The following MGAT4C variants were observed in gnomAD, a reference collection of about 807,000 sequenced individuals.
MGAT4C encodes MGAT4 family member C.
Under a neutral mutation model 40.1 loss-of-function variants are expected in MGAT4C, and 19 were observed. The observed-to-expected ratio is 0.47, with a 90% CI of 0.33 to 0.70. The LOEUF is 0.70. MGAT4C is among the 30% of genes least tolerant of loss of function. The pLI, the probability that MGAT4C is intolerant of heterozygous loss-of-function variation, is 0.02. For missense variants in MGAT4C, 491 were observed against 563.2 expected, an observed-to-expected ratio of 0.87 and a Z score of 1.30; for synonymous variants, 181 against 187.1, an observed-to-expected ratio of 0.97 and a Z score of 0.27.
intron 1 of MGAT4C, among the ~76,000 whole-genome samples, chr12:86,165,066 T>C (rs1157623087): frequency 2.6e-5 from 4 of 152,072 alleles, no homozygotes; most frequent in Admixed American, 2.0e-4. Context: ...ATTTGGTAGA[T>C]AGGAACAATG....
chr12:86,604,568 G>A (rs890127618), intron 2 of MGAT4C, among the ~76,000 whole-genome samples: 1 of 151,970 alleles, frequency 6.6e-6, no homozygotes, highest in Admixed American at 6.6e-5. Context: ...CCAAATGTAC[G>A]TATCTAACAT....
chr12:86,604,157 C>A (rs1454756026), intron 2 of MGAT4C, among the ~76,000 whole-genome samples: 1 of 151,990 alleles, frequency 6.6e-6, no homozygotes, highest in Non-Finnish European at 1.5e-5. Context: ...CCAAGAACAG[C>A]TAAGAAAATG....
In MGAT4C at chr12:85,970,748, A is replaced by T. The variant is rs1303203865; in HGVS notation, c.*8541T>A. The T allele has an allele frequency of 6.6e-6, 1 of 151,326 alleles. No individual in the cohort carries two copies. The highest frequency in any genetic ancestry group is 1.5e-5 in the Non-Finnish European group (1 of 67,376). The allele number at this position is 151,326 out of a possible 1,614,324, so 9.4% of individuals were successfully genotyped here. A position where few individuals can be genotyped will look rare whatever the true frequency, so the allele number is the denominator to read the frequency against. On this transcript the variant is annotated 3_prime_UTR_variant, in exon 5 of 5. Coordinates refer to ENST00000611864, the MANE Select transcript of MGAT4C (RefSeq NM_001351288.2). ...AATAGAGGAACCTTAAATAATTTAA[A>T]TAAAAATAATTGTTTTTATTAAAGT...
intron 1 of MGAT4C, among the ~76,000 whole-genome samples, chr12:86,092,863 TTTA>T (rs1873129897): frequency 6.6e-6 from 1 of 152,130 alleles, no homozygotes; most frequent in Middle Eastern, 3.4e-3. Context: ...CCCTCTTTTT[TTTA>T]TTATTATACT....
At chr12:86,589,274 C>A (rs1366102281) in intron 2 of MGAT4C, among the ~76,000 whole-genome samples, 1 of 151,534 alleles carries the variant, frequency 6.6e-6, no homozygotes, top group Non-Finnish European at 1.5e-5. Flanking sequence ...ACTACAAACA[C>A]CTCTACGCAA....
At chr12:86,044,522 T>C (rs1892199080) in intron 2 of MGAT4C, among the ~76,000 whole-genome samples, 1 of 152,038 alleles carries the variant, frequency 6.6e-6, no homozygotes, top group Admixed American at 6.6e-5. Flanking sequence ...CAAGGTCCAC[T>C]CGCATGTGTG....
chr12:86,062,792 A>C (rs763217917), intron 1 of MGAT4C, among the ~76,000 whole-genome samples: 1 of 152,034 alleles, frequency 6.6e-6, no homozygotes, highest in Admixed American at 6.6e-5. Context: ...AGATCAACTC[A>C]ATAAAATAAA....
intron 2 of MGAT4C, among the ~76,000 whole-genome samples, chr12:86,478,029 T>A (rs367673018): frequency 8.1e-6 from 1 of 123,482 alleles, no homozygotes; most frequent in Non-Finnish European, 2.0e-5. Context: ...GCTGAGAAAT[T>A]TTGTTTATAA....
intron 4 of MGAT4C, among the ~76,000 whole-genome samples, chr12:86,302,170 A>G (rs1375895562): frequency 6.6e-6 from 1 of 150,986 alleles, no homozygotes; most frequent in East Asian, 1.9e-4. Context: ...ACAAGAATTC[A>G]AACTTTACGG....
rs191228030 is a variant in MGAT4C, at chr12:86,500,145, C to A, written c.-228-64880G>T. ...ATCTATGTATGTATGTGTATATATA[C>A]ATGTATGTGTGTATGTATGGTGAAT... On this transcript the variant is annotated intron_variant, in intron 2 of 7. Coordinates refer to the MGAT4C transcript ENST00000548651. 3.2e-3 allele frequency among the ~76,000 whole-genome samples: 492 copies of A among 151,718 alleles called. 1 individual carries two copies. The highest frequency in any genetic ancestry group is 0.012 in the African/African-American group (476 of 41,384).
At chr12:86,296,711 A>C (rs1481266329) in intron 4 of MGAT4C, among the ~76,000 whole-genome samples, 1 of 152,198 alleles carries the variant, frequency 6.6e-6, no homozygotes, top group Non-Finnish European at 1.5e-5. Context: ...GGGGCCCGCC[A>C]AGCCCAGAAC....
chr12:86,244,629 G>C (rs1411654930), intron 1 of MGAT4C, among the ~76,000 whole-genome samples: 1 of 152,136 alleles, frequency 6.6e-6, no homozygotes, highest in African/African-American at 2.4e-5. Context: ...ATAAAGCCTA[G>C]AGGCTAATGG....
At chr12:86,488,326 C>A (rs182071911) in intron 2 of MGAT4C, among the ~76,000 whole-genome samples, 344 of 150,940 alleles carry the variant, frequency 2.3e-3, no homozygotes, top group African/African-American at 8.2e-3. Flanking sequence ...CTCCAGGAGG[C>A]TGAGGCAAGA....
At chr12:86,768,100 T>C (rs1371922887) in intron 1 of MGAT4C, among the ~76,000 whole-genome samples, 4 of 152,132 alleles carry the variant, frequency 2.6e-5, no homozygotes, top group Non-Finnish European at 4.4e-5. Flanking sequence ...GATGACATGA[T>C]TGTATATCTA....
At chr12:86,502,605 T>A (rs1958368579) in intron 2 of MGAT4C, among the ~76,000 whole-genome samples, 1 of 77,888 alleles carries the variant, frequency 1.3e-5, no homozygotes, top group Non-Finnish European at 3.3e-5. Flanking sequence ...GAGGGTGAAG[T>A]TATATATATA....
Position 86,670,368 on chromosome 12 carries a change from G to A in MGAT4C, c.-229+56841C>T, listed in dbSNP as rs907967276. Among the ~76,000 whole-genome samples, 2 of 151,922 alleles carry A rather than the reference G, an allele frequency of 1.3e-5. 1 individual carries two copies. The highest frequency in any genetic ancestry group is 4.1e-4 in the South Asian group (2 of 4,822). Reference sequence around the variant, plus strand: ...ACACATCCTAAGAAGAAATCAATCAGAACTTCTGGAATTTAAAACAAACAA... The same window carrying A: ...ACACATCCTAAGAAGAAATCAATCAAAACTTCTGGAATTTAAAACAAACAA... On this transcript the variant is annotated intron_variant, in intron 2 of 7. Coordinates refer to the MGAT4C transcript ENST00000548651.
At chr12:86,574,290 G>A (rs1593001490) in intron 2 of MGAT4C, among the ~76,000 whole-genome samples, 2 of 151,640 alleles carry the variant, frequency 1.3e-5, no homozygotes. Context: ...TCTGCTCACA[G>A]TGTCCAGTGA....
chr12:86,616,703 C>CT (rs373091551), intron 2 of MGAT4C, among the ~76,000 whole-genome samples: 154 of 144,800 alleles, frequency 1.1e-3, no homozygotes, highest in African/African-American at 1.9e-3. Context: ...AACAGGGTTT[C>CT]TTTTTTTTTT....
chr12:86,117,610 C>T (rs1011811569), intron 1 of MGAT4C, among the ~76,000 whole-genome samples: 1 of 152,092 alleles, frequency 6.6e-6, no homozygotes, highest in African/African-American at 2.4e-5. Context: ...CCAAATTTCT[C>T]AAGGGCATAA....
Sources: gnomAD v4.1 joint callset for allele counts (sites outside exome capture counted in the v4.1 genomes callset) on GRCh38, gnomAD v4.1.1 for gene constraint, MANE v1.5 for transcripts, NCBI Gene and HGNC (gene_info 2026-07-23, HGNC 2026-07-21) for gene names.